FGF13: variants seen among roughly 807,000 people sequenced by gnomAD.
FGF13 encodes the protein fibroblast growth factor 13.
FGF13 carries 2 observed loss-of-function variants against 19.5 expected under a neutral mutation model. The observed-to-expected ratio is 0.10, with a 90% CI of 0.04 to 0.32. The LOEUF (loss-of-function observed/expected upper bound fraction) is 0.32. Among genes scored for constraint, FGF13 ranks in the 10% least tolerant of loss-of-function variants. The pLI is 1.00. For synonymous variants in FGF13, 72 were observed against 76.9 expected (o/e 0.94, Z 0.33); for missense variants, 113 against 192.7 (o/e 0.59, Z 2.45).
intron 1 of FGF13, among the ~76,000 whole-genome samples, chrX:138,718,416 C>G (rs1345597906): frequency 9.0e-6 from 1 of 111,340 alleles, no homozygotes; most frequent in Non-Finnish European, 1.9e-5. Context: ...AATAAAGTTA[C>G]TGGAAGGTGA....
At chrX:139,065,481 C>CAAAAAAAAAAAAAAAAAAAAAAA in intron 1 of FGF13, among the ~76,000 whole-genome samples, 1 of 30,780 alleles carries the variant, frequency 3.2e-5, no homozygotes, top group Non-Finnish European at 5.7e-5. Context: ...AAACGGAAAG[C>CAAAAAAAAAAAAAAAAAAAAAAA]AAAAAAAAAA....
intron 3 of FGF13, among the ~76,000 whole-genome samples, chrX:138,764,264 G>A (rs2090488901): frequency 8.9e-6 from 1 of 112,268 alleles, no homozygotes; most frequent in Non-Finnish European, 1.9e-5. Flanking sequence ...ATGAAAGCAT[G>A]TGTAATTAAC....
At chrX:139,092,704 C>T (rs959652663) in intron 1 of FGF13, among the ~76,000 whole-genome samples, 4 of 111,858 alleles carry the variant, frequency 3.6e-5, no homozygotes, top group African/African-American at 1.3e-4. Context: ...GGCAGGAGAT[C>T]CCTGATTAAT....
chrX:139,187,602 T>A (rs997230108), intron 1 of FGF13, among the ~76,000 whole-genome samples: 2 of 111,633 alleles, frequency 1.8e-5, no homozygotes, highest in African/African-American at 6.5e-5. Context: ...AGAAAAAAAA[T>A]AAGTCTTCTA....
chrX:138,717,654 GT>G (rs1157159081), intron 1 of FGF13, among the ~76,000 whole-genome samples: 11 of 111,654 alleles, frequency 9.9e-5, no homozygotes, highest in African/African-American at 3.6e-4. Context: ...TGGTCTCTCT[GT>G]CACCCAGTCA....
At chrX:139,185,986 A>T in intron 1 of FGF13, among the ~76,000 whole-genome samples, 1 of 111,919 alleles carries the variant, frequency 8.9e-6, no homozygotes, top group Non-Finnish European at 1.9e-5. Context: ...TCCACTTTAG[A>T]TTATTCCCAG....
At position 138,620,730 on chromosome X, in the gene FGF13, T is replaced by C. The variant is rs1602628190; in HGVS notation, c.*12120A>G. ...AAAAGGAAGAACTAAGTACTTGCTA[T>C]CTATAAGATAGTCACTTTAGCTGCA... On this transcript the variant is annotated 3_prime_UTR_variant, in exon 5 of 5. Coordinates refer to ENST00000315930, the MANE Select transcript of FGF13 (RefSeq NM_004114.5). 2 of 111,657 alleles carry C rather than the reference T, an allele frequency of 1.8e-5. No individual in the cohort carries two copies. The highest frequency in any genetic ancestry group is 9.6e-5 in the Admixed American group (1 of 10,466). The allele number at this position is 111,657 out of a possible 1,213,427, so 9.2% of individuals were successfully genotyped here. A position where few individuals can be genotyped will look rare whatever the true frequency, so the allele number is the denominator to read the frequency against.
intron 1 of FGF13, among the ~76,000 whole-genome samples, chrX:138,986,896 T>C (rs1000457676): frequency 8.9e-6 from 1 of 112,464 alleles, no homozygotes; most frequent in Admixed American, 9.4e-5. Flanking sequence ...TAGAACATTC[T>C]TAATAATCAT....
At chrX:139,187,100 A>G (rs1390392800) in intron 1 of FGF13, among the ~76,000 whole-genome samples, 1 of 113,049 alleles carries the variant, frequency 8.8e-6, no homozygotes, top group East Asian at 2.8e-4. Context: ...AGCTTGACAG[A>G]GAGCCAACAC....
upstream of FGF13, among the ~76,000 whole-genome samples, chrX:138,711,948 G>C (rs1256887061): frequency 9.0e-6 from 1 of 110,832 alleles, no homozygotes; most frequent in African/African-American, 3.3e-5. Context: ...GATGGAGGAG[G>C]AACTGAGATG....
chrX:139,160,063 A>T (rs1402137677), intron 1 of FGF13, among the ~76,000 whole-genome samples: 2 of 111,832 alleles, frequency 1.8e-5, no homozygotes, highest in Non-Finnish European at 3.8e-5. Context: ...CATCACACTT[A>T]TTCTAAAATC....
intron 3 of FGF13, among the ~76,000 whole-genome samples, chrX:138,663,022 T>C (rs2089504383): frequency 9.0e-6 from 1 of 111,213 alleles, no homozygotes. Context: ...TAGTTCCCCC[T>C]CCACCCTCAA....
chrX:138,955,473 G>T (rs969421287), intron 1 of FGF13, among the ~76,000 whole-genome samples: 1 of 111,778 alleles, frequency 8.9e-6, no homozygotes, highest in African/African-American at 3.3e-5. Flanking sequence ...CCTAATGTGG[G>T]TATTATTTTC....
intron 1 of FGF13, among the ~76,000 whole-genome samples, chrX:138,866,666 G>C (rs944908914): frequency 9.0e-6 from 1 of 111,102 alleles, no homozygotes; most frequent in Non-Finnish European, 1.9e-5. Context: ...TGAGATGATA[G>C]CTAGGGTTAA....
chrX:138,930,646 G>A (rs1008694624), intron 1 of FGF13, among the ~76,000 whole-genome samples: 6 of 111,869 alleles, frequency 5.4e-5, no homozygotes, highest in Non-Finnish European at 7.5e-5. Context: ...AACTCTACCC[G>A]TTTTCACTTG....
chrX:138,749,706 C>G (rs1253055730), intron 3 of FGF13, among the ~76,000 whole-genome samples: 1 of 111,520 alleles, frequency 9.0e-6, no homozygotes, highest in Non-Finnish European at 1.9e-5. Flanking sequence ...TTGGGACAGT[C>G]TAGCACAGTT....
At chrX:139,098,922 A>G (rs2083488578) in intron 1 of FGF13, among the ~76,000 whole-genome samples, 1 of 111,479 alleles carries the variant, frequency 9.0e-6, no homozygotes, top group Admixed American at 9.5e-5. Flanking sequence ...AATAAACAAA[A>G]ATAAGGCAAG....
chrX:138,925,431 G>T (rs1170096274), intron 1 of FGF13, among the ~76,000 whole-genome samples: 1 of 87,973 alleles, frequency 1.1e-5, no homozygotes, highest in Non-Finnish European at 2.4e-5. Context: ...GAAAGAAGGG[G>T]ATGACTCAAC....
chrX:138,911,260 T>G (rs1223305040), intron 1 of FGF13, among the ~76,000 whole-genome samples: 1 of 111,746 alleles, frequency 8.9e-6, no homozygotes, highest in Non-Finnish European at 1.9e-5. Context: ...AATGCCTGTG[T>G]CTGGTCAAAT....
Sources: gnomAD v4.1 joint callset for allele counts (sites outside exome capture counted in the v4.1 genomes callset) on GRCh38, gnomAD v4.1.1 for gene constraint, MANE v1.5 for transcripts, NCBI Gene and HGNC (gene_info 2026-07-23, HGNC 2026-07-21) for gene names.